The following VRK3 variants were observed in gnomAD, a reference collection of about 807,000 sequenced individuals.
The protein encoded by VRK3 is serine/threonine-protein kinase VRK3.
In VRK3, 50 loss-of-function variants were observed where a neutral mutation model predicts 60.4. The ratio of observed to expected loss-of-function variants is 0.83; its 90% CI spans 0.66 to 1.05. The LOEUF (loss-of-function observed/expected upper bound fraction) is 1.05. Ranked by LOEUF, VRK3 falls within the 50% of genes least tolerant of loss-of-function variation. The probability of loss-of-function intolerance (pLI) is 0.00; values close to 1 mark genes in which losing one functional copy is unlikely to be tolerated. For synonymous variants in VRK3, 246 were observed against 227.8 expected (o/e 1.08, Z -0.72); for missense variants, 549 against 585.3 (o/e 0.94, Z 0.64).
chr19:50,004,273 T>C (rs1041363687), intron 5 of VRK3, among the ~76,000 whole-genome samples: 1 of 152,036 alleles, frequency 6.6e-6, no homozygotes, highest in Non-Finnish European at 1.5e-5. Flanking sequence ...TCCCTCTTCC[T>C]TCCCCGCCCT....
intron 6 of VRK3, 22 bp downstream of exon 6, chr19:50,000,768 C>G: frequency 1.2e-6 from 2 of 1,605,576 alleles, no homozygotes; most frequent in Non-Finnish European, 1.7e-6. Context: ...CCAAGCTGCC[C>G]CCCACCTGCA....
intron 6 of VRK3, chr19:49,999,375 G>C (rs1269350873): frequency 1.3e-5 from 2 of 152,244 alleles, no homozygotes; most frequent in African/African-American, 2.4e-5. Context: ...AATCTCATGT[G>C]GGGTATTCAT....
intron 5 of VRK3, among the ~76,000 whole-genome samples, chr19:50,002,785 T>C (rs2076831357): frequency 6.6e-6 from 1 of 152,094 alleles, no homozygotes; most frequent in African/African-American, 2.4e-5. Flanking sequence ...CTCTGTGATC[T>C]AGGGTGGCAG....
In VRK3 at chr19:49,996,427, G is replaced by A. The variant is rs374398873; in HGVS notation, c.679+1077C>T. Among the ~76,000 whole-genome samples the A allele has an allele frequency of 3.9e-5, 6 of 152,210 alleles. No individual in the cohort carries two copies. The East Asian group carries it at 7.7e-4, about 20-fold the overall frequency. ...CAACTCCAAGCTACCAACATGACAT[G>A]ACTGGAGGTGGGGTGGGAGAGATAT... is the stretch of plus-strand genomic sequence containing the variant. On this transcript the variant is annotated intron_variant, in intron 7 of 14. Transcript: ENST00000316763.
chr19:50,001,035 T>C, intron 5 of VRK3, 181 bp from the exon 6 acceptor site: 2 of 593,494 alleles, frequency 3.4e-6, no homozygotes, highest in Non-Finnish European at 5.9e-6. Context: ...TTCCTCTTTC[T>C]CTCTGTCACT....
In VRK3 at chr19:50,025,274, C is replaced by T. The variant is rs1238902929; in HGVS notation, c.-72G>A. ...CGCCTCGCTTCCCCTCACCTCTGTA[C>T]TTGGGGACTGGGGTGGGATTCTGGG... On this transcript the variant is annotated 5_prime_UTR_variant, in exon 1 of 15. Transcript: ENST00000316763. 6.6e-6 allele frequency: 1 copy of T among 152,336 alleles called. No individual in the cohort carries two copies. The highest frequency in any genetic ancestry group is 6.5e-5 in the Admixed American group (1 of 15,288). The allele number at this position is 152,336 out of a possible 1,614,324, so 9.4% of individuals were successfully genotyped here.
chr19:50,012,916 C>T (rs956635440), intron 3 of VRK3, among the ~76,000 whole-genome samples: 3 of 151,184 alleles, frequency 2.0e-5, no homozygotes, highest in Admixed American at 6.6e-5. Context: ...ACCTATAATC[C>T]CAGCACTTTG....
chr19:49,994,946 T>C, intron 8 of VRK3, 27 bp from the exon 9 acceptor site: 6 of 1,603,978 alleles, frequency 3.7e-6, no homozygotes, highest in Non-Finnish European at 5.1e-6. Flanking sequence ...CCCCAGGAGG[T>C]GGGAGATGAA....
At chr19:50,022,396 C>T (rs1182569001) in intron 1 of VRK3, among the ~76,000 whole-genome samples, 1 of 152,210 alleles carries the variant, frequency 6.6e-6, no homozygotes, top group Non-Finnish European at 1.5e-5. Context: ...ACTAGACTTT[C>T]GGCTTCTACG....
intron 5 of VRK3, among the ~76,000 whole-genome samples, chr19:50,002,011 A>G (rs2076815365): frequency 6.6e-6 from 1 of 152,126 alleles, no homozygotes; most frequent in African/African-American, 2.4e-5. Flanking sequence ...GGATTGCTCC[A>G]CAGGTGGTGG....
intron 10 of VRK3, among the ~76,000 whole-genome samples, chr19:49,992,440 A>C (rs752012208): frequency 3.3e-5 from 5 of 152,240 alleles, no homozygotes; most frequent in Non-Finnish European, 7.3e-5. Flanking sequence ...GGTGCATTTA[A>C]AACTGTGACT....
At chr19:49,994,699 C>T in intron 9 of VRK3, 115 bp downstream of exon 9, 2 of 929,502 alleles carry the variant, frequency 2.2e-6, no homozygotes, top group Non-Finnish European at 3.2e-6. Flanking sequence ...AGCCAGCCCC[C>T]AGTGTGCAGC....
At chr19:50,005,823 C>T (rs2076880977) in intron 5 of VRK3, among the ~76,000 whole-genome samples, 1 of 149,740 alleles carries the variant, frequency 6.7e-6, no homozygotes, top group African/African-American at 2.6e-5. Context: ...AGGGGCAAAT[C>T]CACGGAGGGA....
At chr19:50,006,468 C>T (rs985465845) in intron 5 of VRK3, among the ~76,000 whole-genome samples, 6 of 150,780 alleles carry the variant, frequency 4.0e-5, no homozygotes, top group Non-Finnish European at 7.4e-5. Context: ...CTCTGCCTCC[C>T]GGGTTCACGC....
At chr19:50,011,859 G>A (rs965205362) in intron 3 of VRK3, among the ~76,000 whole-genome samples, 8 of 149,970 alleles carry the variant, frequency 5.3e-5, no homozygotes, top group Non-Finnish European at 1.2e-4. Flanking sequence ...CTTCCCCCAG[G>A]TGGAAATGTT....
At position 49,979,159 on chromosome 19, in the gene VRK3, C is replaced by T. The variant is rs1208250423; in HGVS notation, c.1360G>A (p.Glu454Lys). 1.1e-5 allele frequency: 18 copies of T among 1,614,076 alleles called. No homozygotes were observed. Among genetic ancestry groups the T allele is most frequent in the Non-Finnish European group, 1.4e-5 (17 of 1,179,976 alleles). ...PPYAMLRNNL[E>K]ALLQDLRVSP... ...ACACGCAGATCCTGCAGCAAAGCTT[C>T]TAGGTTGTTCCTCAGCATGGCGTAG... The change falls in exon 14 of 15, where the codon GAA becomes AAA. Residue 454 changes from glutamate to lysine, a missense_variant. Physicochemically the swap from Glu to Lys is moderately conservative, Grantham distance 56. Transcript: ENST00000316763.
At chr19:50,013,149 A>G (rs1167731225) in intron 3 of VRK3, among the ~76,000 whole-genome samples, 4 of 152,222 alleles carry the variant, frequency 2.6e-5, no homozygotes, top group Non-Finnish European at 5.9e-5. Flanking sequence ...CCTGGGCGAC[A>G]GAGCGAGACT....
At chr19:49,990,191 C>A (rs1270108746) in intron 10 of VRK3, among the ~76,000 whole-genome samples, 1 of 152,162 alleles carries the variant, frequency 6.6e-6, no homozygotes, top group East Asian at 1.9e-4. Context: ...GGTTCAAATG[C>A]CAACTCAGCC....
chr19:49,995,342 T>C, intron 7 of VRK3, 67 bp from the exon 8 acceptor site: 1 of 1,472,012 alleles, frequency 6.8e-7, no homozygotes, highest in East Asian at 2.3e-5. Context: ...AAGAGCTAGT[T>C]CTCAGAGAAG....
Sources: gnomAD v4.1 joint callset for allele counts (sites outside exome capture counted in the v4.1 genomes callset) on GRCh38, gnomAD v4.1.1 for gene constraint, MANE v1.5 for transcripts, NCBI Gene and HGNC (gene_info 2026-07-23, HGNC 2026-07-21) for gene names.